PTPRM: variants seen among roughly 807,000 people sequenced by gnomAD.
The protein encoded by PTPRM is receptor-type tyrosine-protein phosphatase mu.
In PTPRM, 47 loss-of-function variants were observed where a neutral mutation model predicts 186.7. The ratio of observed to expected loss-of-function variants is 0.25; its 90% CI spans 0.20 to 0.32. The LOEUF is 0.32. Among genes scored for constraint, PTPRM ranks in the 10% least tolerant of loss-of-function variants. The pLI is 1.00. For missense variants in PTPRM, 1,494 were observed against 1,865.0 expected (o/e 0.80, Z 3.66); for synonymous variants, 668 against 674.9 (o/e 0.99, Z 0.16).
At chr18:7,716,057 A>G (rs1008408071) in intron 1 of PTPRM, among the ~76,000 whole-genome samples, 1 of 152,228 alleles carries the variant, frequency 6.6e-6, no homozygotes, top group African/African-American at 2.4e-5. Flanking sequence ...AGTCAAGACA[A>G]TCTTAAGCAA....
At chr18:8,312,026 C>G (rs1230704764) in intron 20 of PTPRM, among the ~76,000 whole-genome samples, 1 of 152,152 alleles carries the variant, frequency 6.6e-6, no homozygotes, top group South Asian at 2.1e-4. Context: ...GGTTCTAATT[C>G]GGTCGGTTGC....
At chr18:7,700,993 A>AAAG (rs1555654266) in intron 1 of PTPRM, among the ~76,000 whole-genome samples, 22 of 107,342 alleles carry the variant, frequency 2.0e-4, no homozygotes, top group Non-Finnish European at 3.1e-4. Context: ...AAAAAAAAAA[A>AAAG]AAAGAAAGAA....
At chr18:7,935,205 A>G (rs1015567747) in intron 5 of PTPRM, among the ~76,000 whole-genome samples, 1 of 152,208 alleles carries the variant, frequency 6.6e-6, no homozygotes, top group African/African-American at 2.4e-5. Context: ...ATTCCAGAAA[A>G]TACTAGAAAT....
At chr18:7,753,354 T>G (rs1372791606) in intron 1 of PTPRM, among the ~76,000 whole-genome samples, 3 of 152,134 alleles carry the variant, frequency 2.0e-5, no homozygotes, top group Non-Finnish European at 4.4e-5. Flanking sequence ...ATATATTTAT[T>G]TTCTACATTT....
chr18:8,236,185 AG>A (rs34228298), intron 14 of PTPRM, among the ~76,000 whole-genome samples: 3,958 of 152,292 alleles, frequency 0.026, 74 homozygotes, highest in East Asian at 0.055. Context: ...CTCCAACTAT[AG>A]TAGTGGATTC....
chr18:8,183,677 AAGT>A, intron 14 of PTPRM, among the ~76,000 whole-genome samples: 1 of 152,360 alleles, frequency 6.6e-6, no homozygotes, highest in East Asian at 1.9e-4. Flanking sequence ...GAATAAAATA[AAGT>A]AGGAGGAATA....
intron 2 of PTPRM, among the ~76,000 whole-genome samples, chr18:7,800,978 G>C (rs1285482563): frequency 1.3e-5 from 2 of 152,062 alleles, no homozygotes; most frequent in Non-Finnish European, 2.9e-5. Flanking sequence ...TACAATGAAT[G>C]GAGCTTGCAG....
chr18:8,251,013 GATA>G (rs2094523367), intron 17 of PTPRM, among the ~76,000 whole-genome samples: 1 of 152,152 alleles, frequency 6.6e-6, no homozygotes, highest in Non-Finnish European at 1.5e-5. Flanking sequence ...GCATGTACTA[GATA>G]ATAGGGCTCT....
intron 1 of PTPRM, among the ~76,000 whole-genome samples, chr18:7,679,892 A>G (rs749220660): frequency 9.9e-5 from 15 of 151,900 alleles, no homozygotes; most frequent in Non-Finnish European, 2.1e-4. Context: ...TTGCGACAAG[A>G]TCTCACTCGG....
intron 1 of PTPRM, among the ~76,000 whole-genome samples, chr18:7,626,282 C>T (rs1021328062): frequency 5.3e-5 from 8 of 152,280 alleles, no homozygotes; most frequent in Middle Eastern, 3.4e-3. Context: ...GACATGCACT[C>T]GCGTTTGGCA....
At chr18:7,833,743 A>C (rs1264945261) in intron 2 of PTPRM, among the ~76,000 whole-genome samples, 1 of 149,634 alleles carries the variant, frequency 6.7e-6, no homozygotes, top group South Asian at 2.1e-4. Flanking sequence ...TCAGAAAGAA[A>C]AACAACAACA....
At chr18:7,729,909 G>A (rs1262236291) in intron 1 of PTPRM, among the ~76,000 whole-genome samples, 1 of 152,072 alleles carries the variant, frequency 6.6e-6, no homozygotes, top group Non-Finnish European at 1.5e-5. Context: ...GTTGTCTCTA[G>A]TGTATTCATG....
rs539227446 is a variant in PTPRM, at chr18:8,309,673, TCTTTTTTCAATTTTTATTTTTTA to T, written c.2843-5107_2843-5085del. On this transcript the variant is annotated intron_variant, in intron 20 of 32. Coordinates refer to ENST00000580170, the MANE Select transcript of PTPRM (RefSeq NM_001105244.2). Reference sequence around the variant, plus strand: ...GTGTGCTCCACCATGCTAGGCTAATTCTTTTTTCAATTTTTATTTTTTATAGAGACAAGGTCTCTAAAAATAAT... The same window carrying T: ...GTGTGCTCCACCATGCTAGGCTAATTTAGAGACAAGGTCTCTAAAAATAAT... 2.8e-4 allele frequency among the ~76,000 whole-genome samples: 43 copies of T among 152,168 alleles called. No individual in the cohort carries two copies. In the East Asian group the frequency reaches 7.9e-3, roughly 28 times the overall value.
At chr18:8,380,469 G>A (rs770207744) in intron 29 of PTPRM, 42 bp downstream of exon 29, 11 of 1,611,206 alleles carry the variant, frequency 6.8e-6, no homozygotes, top group African/African-American at 4.0e-5. Flanking sequence ...GTGCCAGGGG[G>A]TCAAGTTTGT....
intron 14 of PTPRM, among the ~76,000 whole-genome samples, chr18:8,208,404 A>G (rs1297410823): frequency 6.6e-6 from 1 of 152,290 alleles, no homozygotes; most frequent in African/African-American, 2.4e-5. Flanking sequence ...ATGGGAGGAG[A>G]TAGAATGTAA....
In PTPRM at chr18:8,143,762, G is replaced by A. The variant is rs1458369665; in HGVS notation, c.2283G>A (p.Val761=). 3 of 1,613,970 alleles carry A rather than the reference G, an allele frequency of 1.9e-6. No individual in the cohort carries two copies. The highest frequency in any genetic ancestry group is 2.7e-5 in the African/African-American group (2 of 74,916). The stretch of plus-strand genomic sequence containing the variant: ...TCGTGATTATATTTCTTGGAGTTGT[G>A]TTGGTAATGAAGAAAAGGTGAGCTC... ...LLFVIIFLGV[V]LVMKKRKLAK... Residue 761 remains valine (V), a synonymous_variant, in exon 14 of 33, where the codon GTG becomes GTA. Transcript: ENST00000580170.
intron 7 of PTPRM, among the ~76,000 whole-genome samples, chr18:8,039,758 A>G (rs2086576732): frequency 6.6e-6 from 1 of 152,176 alleles, no homozygotes; most frequent in Non-Finnish European, 1.5e-5. Context: ...GATCTCTTGC[A>G]GTTATTTCCC....
At chr18:7,859,272 C>T (rs1353318395) in intron 2 of PTPRM, among the ~76,000 whole-genome samples, 2 of 152,102 alleles carry the variant, frequency 1.3e-5, no homozygotes, top group Non-Finnish European at 2.9e-5. Context: ...TTATTCATCT[C>T]CCAGGATCTT....
At chr18:7,925,143 G>T (rs1220109945) in intron 4 of PTPRM, among the ~76,000 whole-genome samples, 3 of 152,122 alleles carry the variant, frequency 2.0e-5, no homozygotes, top group Admixed American at 1.3e-4. Context: ...GACTAAAAGA[G>T]AAATTCATTT....
Sources: allele counts gnomAD v4.1 joint callset (sites outside exome capture counted in the v4.1 genomes callset), GRCh38; gene constraint gnomAD v4.1.1; transcripts MANE v1.5; gene names NCBI Gene and HGNC (gene_info 2026-07-23, HGNC 2026-07-21).